Variants in MITF observed in about 807,000 individuals in gnomAD.
MITF encodes melanocyte inducing transcription factor, also known as microphthalmia-associated transcription factor.
A neutral mutation model predicts 60.5 loss-of-function variants in MITF; 17 were observed. That is an observed-to-expected ratio of 0.28 (90% confidence interval 0.19 to 0.42). MITF has a LOEUF of 0.42. Among genes scored for constraint, MITF ranks in the 10% least tolerant of loss-of-function variants. The probability of loss-of-function intolerance (pLI) is 1.00; values close to 1 mark genes in which losing one functional copy is unlikely to be tolerated. For synonymous variants in MITF, 260 were observed against 248.5 expected (o/e 1.05, Z -0.43); for missense variants, 622 against 683.5 (o/e 0.91, Z 1.00).
intron 1 of MITF, among the ~76,000 whole-genome samples, chr3:69,762,052 C>T (rs565081198): frequency 6.6e-6 from 1 of 152,198 alleles, no homozygotes; most frequent in Admixed American, 6.5e-5. Context: ...CCATTCTGGA[C>T]TGTTTATCTT....
chr3:69,828,680 C>T (rs2107084914), intron 1 of MITF, among the ~76,000 whole-genome samples: 1 of 152,174 alleles, frequency 6.6e-6, no homozygotes, highest in East Asian at 1.9e-4. Flanking sequence ...AATGATTCCA[C>T]TAAATGTACA....
intron 4 of MITF, among the ~76,000 whole-genome samples, chr3:69,940,945 C>T (rs1421895591): frequency 6.6e-6 from 1 of 152,146 alleles, no homozygotes; most frequent in Non-Finnish European, 1.5e-5. Context: ...ATACGGTTTT[C>T]GTTAGGGCAA....
At position 69,891,712 on chromosome 3, in the gene MITF, C is replaced by T. The variant is rs568676322; in HGVS notation, c.354+12329C>T. Among the ~76,000 whole-genome samples the T allele has an allele frequency of 7.2e-5, 11 of 152,306 alleles. No individual in the cohort carries two copies. The South Asian group carries it at 1.7e-3, about 23-fold the overall frequency. On this transcript the variant is annotated intron_variant, in intron 2 of 9. Coordinates refer to ENST00000352241, the MANE Select transcript of MITF (RefSeq NM_001354604.2). ...CTGTAGAGCCTCTGAGATCCTTTAA[C>T]ATGTAAAGAGTTATGGCAAATCTCC... is the stretch of plus-strand genomic sequence containing the variant.
At chr3:69,854,209 G>T (rs1422693806) in intron 1 of MITF, among the ~76,000 whole-genome samples, 1 of 151,912 alleles carries the variant, frequency 6.6e-6, no homozygotes. Context: ...TGGCATATGT[G>T]ATAGACTGAA....
chr3:69,809,216 A>G (rs1402013411), intron 1 of MITF, among the ~76,000 whole-genome samples: 2 of 152,142 alleles, frequency 1.3e-5, no homozygotes, highest in Non-Finnish European at 2.9e-5. Context: ...CATTGCTCAG[A>G]AAATAGGATA....
At chr3:69,764,548 A>C (rs1458548869) in intron 1 of MITF, among the ~76,000 whole-genome samples, 1 of 152,174 alleles carries the variant, frequency 6.6e-6, no homozygotes, top group Non-Finnish European at 1.5e-5. Flanking sequence ...GTTATACTTC[A>C]AAAATAATGT....
At chr3:69,849,993 C>A (rs908410879) in intron 1 of MITF, among the ~76,000 whole-genome samples, 1 of 152,156 alleles carries the variant, frequency 6.6e-6, no homozygotes, top group African/African-American at 2.4e-5. Context: ...GTGGTCTGAG[C>A]AGTCAATCGA....
At chr3:69,842,734 C>T (rs538292112) in intron 1 of MITF, among the ~76,000 whole-genome samples, 1 of 129,758 alleles carries the variant, frequency 7.7e-6, no homozygotes, top group South Asian at 2.3e-4. Flanking sequence ...CCAAAATCAA[C>T]GTGATGGCAG....
At chr3:69,814,558 G>T (rs527692472) in intron 1 of MITF, among the ~76,000 whole-genome samples, 1 of 152,038 alleles carries the variant, frequency 6.6e-6, no homozygotes, top group East Asian at 1.9e-4. Context: ...CAAACTCCTG[G>T]GCTCAAGCAA....
intron 2 of MITF, among the ~76,000 whole-genome samples, chr3:69,887,694 G>A (rs2064654958): frequency 1.3e-5 from 2 of 152,014 alleles, no homozygotes; most frequent in Admixed American, 6.6e-5. Context: ...TTTAAAAATA[G>A]GGAATGTCCT....
At chr3:69,785,252 G>A (rs1178944665) in intron 1 of MITF, among the ~76,000 whole-genome samples, 2 of 149,078 alleles carry the variant, frequency 1.3e-5, no homozygotes, top group Non-Finnish European at 3.0e-5. Context: ...CTGCGGCAGT[G>A]GTGTCCTGAA....
intron 1 of MITF, among the ~76,000 whole-genome samples, chr3:69,816,456 G>GAA (rs2063183340): frequency 6.6e-6 from 1 of 152,092 alleles, no homozygotes; most frequent in South Asian, 2.1e-4. Context: ...TTTAATAACT[G>GAA]AAAACTCTTG....
intron 1 of MITF, among the ~76,000 whole-genome samples, chr3:69,774,701 T>G (rs1295079736): frequency 1.3e-5 from 2 of 152,154 alleles, no homozygotes; most frequent in Non-Finnish European, 2.9e-5. Flanking sequence ...CCCCTTCAAC[T>G]GAGGCTCCCT....
chr3:69,847,941 C>G (rs9310173), intron 1 of MITF, among the ~76,000 whole-genome samples: 74,799 of 152,108 alleles, frequency 0.49, 20,123 homozygotes, highest in Non-Finnish European at 0.63. Context: ...GCTCTTTCCA[C>G]ATTTAATGAT....
At chr3:69,808,529 C>A (rs1412841205) in intron 1 of MITF, among the ~76,000 whole-genome samples, 3 of 152,062 alleles carry the variant, frequency 2.0e-5, no homozygotes, top group African/African-American at 7.2e-5. Flanking sequence ...AGGAGTTGAT[C>A]TGGTCATGGG....
chr3:69,792,998 CTTTTTTTTTT>C lies in MITF; in HGVS notation c.104+53321_104+53330del, dbSNP rs58440406. Among the ~76,000 whole-genome samples, 10 of 31,096 alleles carry C rather than the reference CTTTTTTTTTT, an allele frequency of 3.2e-4. No individual in the cohort carries two copies. The East Asian group carries it at 4.0e-3, about 12-fold the overall frequency. 20.4% of individuals were successfully genotyped at this position (31,096 alleles called of 152,430 possible). On this transcript the variant is annotated intron_variant, in intron 1 of 9. Coordinates refer to ENST00000352241, the MANE Select transcript of MITF (RefSeq NM_001354604.2). ...TTGTTTTATGGGCTAAAGTCTTTAG[CTTTTTTTTTT>C]TTTTTTTTTTTTTTTTTTTTTTTAA...
intron 6 of MITF, among the ~76,000 whole-genome samples, chr3:69,950,121 A>G (rs1188740484): frequency 2.6e-5 from 4 of 152,010 alleles, no homozygotes; most frequent in Non-Finnish European, 5.9e-5. Flanking sequence ...CTGCAAGACA[A>G]CAACAACAAC....
chr3:69,945,142 T>C (rs759076181), intron 5 of MITF, among the ~76,000 whole-genome samples: 1 of 152,150 alleles, frequency 6.6e-6, no homozygotes, highest in African/African-American at 2.4e-5. Context: ...CAGTGCTCAA[T>C]TGATATTCAG....
chr3:69,886,318 A>G (rs1004801841), intron 2 of MITF, among the ~76,000 whole-genome samples: 1 of 152,114 alleles, frequency 6.6e-6, no homozygotes, highest in South Asian at 2.1e-4. Flanking sequence ...GACAACGTGG[A>G]TATTAATTAT....
Sources: allele counts gnomAD v4.1 joint callset (sites outside exome capture counted in the v4.1 genomes callset), GRCh38; gene constraint gnomAD v4.1.1; transcripts MANE v1.5; gene names NCBI Gene and HGNC (gene_info 2026-07-23, HGNC 2026-07-21).